Variants in HIVEP3 observed in about 807,000 individuals in gnomAD.
HIVEP3 encodes transcription factor HIVEP3.
A neutral mutation model predicts 152.8 loss-of-function variants in HIVEP3; 49 were observed. The ratio of observed to expected loss-of-function variants is 0.32; its 90% CI spans 0.26 to 0.41. HIVEP3 has a LOEUF of 0.41. Among genes scored for constraint, HIVEP3 ranks in the 10% least tolerant of loss-of-function variants. HIVEP3 has a pLI of 1.00. For synonymous variants in HIVEP3, 1,269 were observed against 1,289.0 expected (o/e 0.98, Z 0.33); for missense variants, 2,790 against 3,103.3 (o/e 0.90, Z 2.40).
At chr1:41,571,403 G>T (rs1053110915) in intron 5 of HIVEP3, among the ~76,000 whole-genome samples, 3 of 152,212 alleles carry the variant, frequency 2.0e-5, no homozygotes, top group African/African-American at 7.2e-5. Flanking sequence ...AAATGCACAG[G>T]TGCTGGGTGA....
At chr1:41,723,909 T>C (rs1319248987) in intron 1 of HIVEP3, among the ~76,000 whole-genome samples, 2 of 152,200 alleles carry the variant, frequency 1.3e-5, no homozygotes, top group Non-Finnish European at 2.9e-5. Context: ...AAGGAATGAA[T>C]GACCACCAGA....
At chr1:41,750,546 T>C (rs1312971302) in intron 1 of HIVEP3, among the ~76,000 whole-genome samples, 1 of 152,162 alleles carries the variant, frequency 6.6e-6, no homozygotes, top group Admixed American at 6.5e-5. Context: ...GGCGAGGCCA[T>C]TGCTGCTGGA....
At chr1:41,516,354 C>T (rs139698957) in intron 7 of HIVEP3, among the ~76,000 whole-genome samples, 3,965 of 152,322 alleles carry the variant, frequency 0.026, 75 homozygotes, top group Non-Finnish European at 0.038. Context: ...CACGCGCCAC[C>T]TCGCGTCCCA....
At chr1:41,929,368 T>C (rs1570818924) in intron 1 of HIVEP3, among the ~76,000 whole-genome samples, 1 of 152,120 alleles carries the variant, frequency 6.6e-6, no homozygotes, top group South Asian at 2.1e-4. Context: ...TAAGAGCTTT[T>C]TCAGGTTGGT....
At chr1:41,566,759 T>C (rs1025901866) in intron 5 of HIVEP3, among the ~76,000 whole-genome samples, 1 of 152,120 alleles carries the variant, frequency 6.6e-6, no homozygotes, top group Non-Finnish European at 1.5e-5. Context: ...TCTCTTCTCT[T>C]GGCATCCAGG....
At chr1:41,710,300 T>G (rs550613753) in intron 1 of HIVEP3, among the ~76,000 whole-genome samples, 1 of 152,250 alleles carries the variant, frequency 6.6e-6, no homozygotes, top group South Asian at 2.1e-4. Flanking sequence ...ACCCTCTTCA[T>G]GTGACCAAAA....
intron 1 of HIVEP3, among the ~76,000 whole-genome samples, chr1:41,833,510 C>T (rs1421478679): frequency 6.6e-6 from 1 of 152,134 alleles, no homozygotes; most frequent in African/African-American, 2.4e-5. Flanking sequence ...GAATTTAGTC[C>T]AAAGCACAAA....
chr1:41,626,407 C>T (rs953765440), intron 3 of HIVEP3, among the ~76,000 whole-genome samples: 2 of 152,222 alleles, frequency 1.3e-5, no homozygotes, highest in Admixed American at 1.3e-4. Flanking sequence ...GAACTGACAG[C>T]TCATTTCCCT....
At chr1:41,832,358 T>A (rs1642987910) in intron 1 of HIVEP3, among the ~76,000 whole-genome samples, 1 of 152,016 alleles carries the variant, frequency 6.6e-6, no homozygotes, top group Non-Finnish European at 1.5e-5. Context: ...CAAGACCCTG[T>A]CTCTACAAAA....
At chr1:41,669,224 C>T (rs567097177) in intron 2 of HIVEP3, among the ~76,000 whole-genome samples, 5 of 152,076 alleles carry the variant, frequency 3.3e-5, no homozygotes, top group Admixed American at 2.0e-4. Context: ...CTGAGTCAGG[C>T]GAACTTATAA....
intron 4 of HIVEP3, among the ~76,000 whole-genome samples, chr1:41,577,772 G>T (rs781535540): frequency 8.5e-5 from 13 of 152,106 alleles, no homozygotes; most frequent in Admixed American, 2.0e-4. Flanking sequence ...GTCCAAAGAT[G>T]AATTGGACTG....
chr1:41,929,724 T>TATATATATA (rs1644986317), intron 1 of HIVEP3, among the ~76,000 whole-genome samples: 2 of 30,546 alleles, frequency 6.5e-5, no homozygotes, highest in Non-Finnish European at 2.6e-4. Context: ...GTATATGTGT[T>TATATATATA]TTTATATATA....
intron 1 of HIVEP3, among the ~76,000 whole-genome samples, chr1:41,974,993 T>A (rs1245460844): frequency 6.6e-6 from 1 of 152,132 alleles, no homozygotes; most frequent in Non-Finnish European, 1.5e-5. Context: ...TTTCTGGGCA[T>A]TGCTCCAGAC....
chr1:41,722,031 A>AT (rs1646680749), intron 1 of HIVEP3, among the ~76,000 whole-genome samples: 1 of 152,186 alleles, frequency 6.6e-6, no homozygotes, highest in Non-Finnish European at 1.5e-5. Context: ...AGCCATAAAC[A>AT]TGCCATGGGA....
intron 1 of HIVEP3, among the ~76,000 whole-genome samples, chr1:42,015,639 T>C (rs1203492786): frequency 6.6e-6 from 1 of 152,268 alleles, no homozygotes. Context: ...TCTTTCTAAA[T>C]GTTTTGTCTA....
chr1:41,531,002 T>G (rs1426302097), intron 5 of HIVEP3, among the ~76,000 whole-genome samples: 1 of 151,138 alleles, frequency 6.6e-6, no homozygotes, highest in African/African-American at 2.4e-5. Flanking sequence ...CTGGGTTGGG[T>G]GAGGCCAGGG....
intron 2 of HIVEP3, among the ~76,000 whole-genome samples, chr1:41,645,832 T>C (rs1178680269): frequency 1.3e-5 from 2 of 152,224 alleles, no homozygotes; most frequent in African/African-American, 4.8e-5. Flanking sequence ...GCCTCTGTTG[T>C]GGCCCCAGCT....
chr1:41,906,660 CA>C (rs1644716122), intron 1 of HIVEP3, among the ~76,000 whole-genome samples: 1 of 152,014 alleles, frequency 6.6e-6, no homozygotes, highest in Non-Finnish European at 1.5e-5. Context: ...TTGTACACTT[CA>C]AAAGGTGAAT....
chr1:41,750,566 C>T (rs4660201), intron 1 of HIVEP3, among the ~76,000 whole-genome samples: 128,110 of 152,118 alleles, frequency 0.84, 57,438 homozygotes, highest in Non-Finnish European at 1. Context: ...ACTGAGTAGC[C>T]GGGCCTTGGT....
Sources: gnomAD v4.1 joint callset for allele counts (sites outside exome capture counted in the v4.1 genomes callset) on GRCh38, gnomAD v4.1.1 for gene constraint, MANE v1.5 for transcripts, NCBI Gene and HGNC (gene_info 2026-07-23, HGNC 2026-07-21) for gene names.